SNTG1: variants seen among roughly 807,000 people sequenced by gnomAD.
SNTG1 encodes the protein syntrophin gamma 1.
In SNTG1, 39 loss-of-function variants were observed where a neutral mutation model predicts 74.7. That is an observed-to-expected ratio of 0.52 (90% CI 0.40 to 0.68). The LOEUF (loss-of-function observed/expected upper bound fraction) is 0.68. SNTG1 is among the 30% of genes least tolerant of loss of function. The pLI is 0.00. For missense variants in SNTG1, 685 were observed against 609.5 expected (o/e 1.12, Z -1.30); for synonymous variants, 254 against 217.1 (o/e 1.17, Z -1.49).
intron 17 of SNTG1, among the ~76,000 whole-genome samples, chr8:50,728,393 T>G (rs1356377283): frequency 6.6e-6 from 1 of 152,104 alleles, no homozygotes; most frequent in African/African-American, 2.4e-5. Context: ...TTACAAAGAC[T>G]CCTGCAAAAA....
chr8:50,638,738 A>C (rs1278314444), intron 13 of SNTG1, among the ~76,000 whole-genome samples: 1 of 152,202 alleles, frequency 6.6e-6, no homozygotes, highest in East Asian at 1.9e-4. Flanking sequence ...TTCCAACAGA[A>C]GAAAACCCTC....
At chr8:50,746,390 A>T (rs567695017) in intron 17 of SNTG1, among the ~76,000 whole-genome samples, 3 of 152,148 alleles carry the variant, frequency 2.0e-5, no homozygotes, top group South Asian at 2.1e-4. Context: ...GGCATCATTA[A>T]CAAAAAACTG....
intron 11 of SNTG1, among the ~76,000 whole-genome samples, chr8:50,546,349 A>G (rs1034937276): frequency 2.0e-5 from 3 of 151,796 alleles, no homozygotes; most frequent in Admixed American, 2.0e-4. Context: ...TAAGCATATC[A>G]TGATGTTGGT....
In SNTG1 at chr8:50,450,561, C is replaced by A. The variant is rs924767887; in HGVS notation, c.283C>A (p.Leu95Ile). ...TTGTGCTTTTTCATTCACAGCGGAA[C>A]TTTCAGGACTACTTTTTATTGGAGA... ...SKISKEQRAE[L>I]SGLLFIGDAI... The change falls in exon 7 of 19, where the codon CTT becomes ATT. Residue 95 changes from leucine to isoleucine, a missense_variant. Physicochemically the swap from Leu to Ile is conservative, Grantham distance 5 (BLOSUM62 2). Coordinates refer to ENST00000642720, the MANE Select transcript of SNTG1 (RefSeq NM_018967.5). 1.9e-6 allele frequency: 3 copies of A among 1,613,262 alleles called. No homozygotes were observed. Among genetic ancestry groups the A allele is most frequent in the African/African-American group, 2.7e-5 (2 of 74,912 alleles).
chr8:50,439,510 A>G (rs188578636), intron 5 of SNTG1, among the ~76,000 whole-genome samples: 2 of 152,166 alleles, frequency 1.3e-5, no homozygotes, highest in African/African-American at 2.4e-5. Context: ...TCAGTATGCA[A>G]TAGCGTTGTA....
intron 2 of SNTG1, among the ~76,000 whole-genome samples, chr8:50,240,759 A>G (rs1436754997): frequency 6.6e-6 from 1 of 152,198 alleles, no homozygotes; most frequent in Non-Finnish European, 1.5e-5. Flanking sequence ...TAATGCTTAA[A>G]CAAAGAAAAT....
rs115627099 is a variant in SNTG1 at position 50,108,837 on chromosome 8, C to T, written c.-102-63724C>T. Among the ~76,000 whole-genome samples the T allele has an allele frequency of 1.1e-3, 165 of 152,172 alleles. 1 individual carries two copies. Among genetic ancestry groups the T allele is most frequent in the African/African-American group, 3.8e-3 (159 of 41,524 alleles). ...CTCAAGGAACCTTACACTAAAACAA[C>T]TGTGGTTTACTTTTGGAGTCTGAAG... is the stretch of plus-strand genomic sequence containing the variant. On this transcript the variant is annotated intron_variant, in intron 1 of 18. Transcript: ENST00000642720.
At chr8:50,366,974 T>C (rs2092133398) in intron 2 of SNTG1, among the ~76,000 whole-genome samples, 1 of 149,282 alleles carries the variant, frequency 6.7e-6, no homozygotes, top group African/African-American at 2.5e-5. Context: ...TAGTAAGGAG[T>C]AGTAAAATAC....
At chr8:50,310,784 G>A (rs190531903) in intron 2 of SNTG1, among the ~76,000 whole-genome samples, 1 of 152,254 alleles carries the variant, frequency 6.6e-6, no homozygotes, top group Non-Finnish European at 1.5e-5. Flanking sequence ...CATAAGATTT[G>A]ATATATTGGT....
intron 2 of SNTG1, among the ~76,000 whole-genome samples, chr8:50,224,165 ACAG>A (rs2085209821): frequency 2.6e-5 from 4 of 152,238 alleles, no homozygotes; most frequent in Non-Finnish European, 5.9e-5. Context: ...AATGTACATT[ACAG>A]AAAACTTAAA....
At chr8:50,571,869 T>C (rs1438290029) in intron 12 of SNTG1, among the ~76,000 whole-genome samples, 1 of 152,132 alleles carries the variant, frequency 6.6e-6, no homozygotes, top group Non-Finnish European at 1.5e-5. Context: ...GAGTGGGCAG[T>C]TGCTCCACTG....
At chr8:50,018,590 G>A (rs1816547041) in intron 1 of SNTG1, among the ~76,000 whole-genome samples, 1 of 151,950 alleles carries the variant, frequency 6.6e-6, no homozygotes, top group African/African-American at 2.4e-5. Flanking sequence ...TGTTTTTGCT[G>A]TTGTTGTTTC....
intron 18 of SNTG1, among the ~76,000 whole-genome samples, chr8:50,779,558 C>T (rs2095652101): frequency 6.6e-6 from 1 of 152,080 alleles, no homozygotes; most frequent in Non-Finnish European, 1.5e-5. Flanking sequence ...GATTTTGTAT[C>T]CTGAGACTTT....
chr8:50,369,149 T>C (rs550912240), intron 2 of SNTG1, among the ~76,000 whole-genome samples: 91 of 152,324 alleles, frequency 6.0e-4, no homozygotes, highest in African/African-American at 2.1e-3. Context: ...GGAAGAATTC[T>C]ATGAGCTGAA....
intron 1 of SNTG1, among the ~76,000 whole-genome samples, chr8:50,100,299 T>C (rs562844984): frequency 6.6e-6 from 1 of 152,152 alleles, no homozygotes; most frequent in South Asian, 2.1e-4. Context: ...AAAAGGACAG[T>C]TTTATTAAAG....
chr8:50,747,679 G>A (rs1250580503), intron 17 of SNTG1: 7 of 151,736 alleles, frequency 4.6e-5, no homozygotes, highest in Non-Finnish European at 8.8e-5. Flanking sequence ...GAAGAAAAAT[G>A]CCAAAATTTT....
chr8:50,516,298 C>T (rs1314689705), intron 9 of SNTG1, among the ~76,000 whole-genome samples: 1 of 152,180 alleles, frequency 6.6e-6, no homozygotes, highest in Non-Finnish European at 1.5e-5. Context: ...AAGGCCCCAT[C>T]ATCAAACACC....
At chr8:50,000,461 G>T (rs1031769066) in intron 1 of SNTG1, among the ~76,000 whole-genome samples, 4 of 152,114 alleles carry the variant, frequency 2.6e-5, no homozygotes, top group African/African-American at 9.6e-5. Flanking sequence ...TTGTGCTTTA[G>T]TTATGTTTTT....
At chr8:50,451,352 G>T (rs1229508077) in intron 8 of SNTG1, among the ~76,000 whole-genome samples, 2 of 152,052 alleles carry the variant, frequency 1.3e-5, no homozygotes, top group Non-Finnish European at 2.9e-5. Flanking sequence ...AGCATCCACG[G>T]GTGTTGGTAT....
Sources: gnomAD v4.1 joint callset for allele counts (sites outside exome capture counted in the v4.1 genomes callset) on GRCh38, gnomAD v4.1.1 for gene constraint, MANE v1.5 for transcripts, NCBI Gene and HGNC (gene_info 2026-07-23, HGNC 2026-07-21) for gene names.